Variants in ARHGEF7 observed in about 807,000 individuals in gnomAD.
ARHGEF7 encodes the protein Rho guanine nucleotide exchange factor 7.
In ARHGEF7, 33 loss-of-function variants were observed where a neutral mutation model predicts 109.8. The ratio of observed to expected loss-of-function variants is 0.30; its 90% CI spans 0.23 to 0.40. ARHGEF7 has a LOEUF of 0.40. ARHGEF7 is among the 10% of genes least tolerant of loss of function. The pLI is 1.00. For missense variants in ARHGEF7, 938 were observed against 1,098.5 expected (o/e 0.85, Z 2.07); for synonymous variants, 458 against 424.6 (o/e 1.08, Z -0.97).
At chr13:111,185,919 G>A (rs149760753) in intron 2 of ARHGEF7, among the ~76,000 whole-genome samples, 2 of 149,672 alleles carry the variant, frequency 1.3e-5, no homozygotes, top group Middle Eastern at 3.6e-3. Flanking sequence ...TCCGATCTTG[G>A]TTCTGCCTTT....
At chr13:111,154,847 CCACTTTGT>C (rs2076183694) in intron 2 of ARHGEF7, among the ~76,000 whole-genome samples, 1 of 152,046 alleles carries the variant, frequency 6.6e-6, no homozygotes, top group South Asian at 2.1e-4. Flanking sequence ...GTTTATGTTG[CCACTTTGT>C]CACTCTTAAC....
chr13:111,217,238 C>G (rs2083257732), intron 4 of ARHGEF7, among the ~76,000 whole-genome samples: 1 of 152,180 alleles, frequency 6.6e-6, no homozygotes, highest in Non-Finnish European at 1.5e-5. Context: ...TATATGGTAT[C>G]TGGAAATATA....
At chr13:111,234,201 TC>T (rs2153528792) in intron 6 of ARHGEF7, among the ~76,000 whole-genome samples, 2 of 152,318 alleles carry the variant, frequency 1.3e-5, no homozygotes, top group South Asian at 4.1e-4. Context: ...TGTGCAGCAG[TC>T]ATTTTCTTGT....
At chr13:111,294,485 A>G (rs768035443) in intron 19 of ARHGEF7, 154 of 985,310 alleles carry the variant, frequency 1.6e-4, no homozygotes, top group Non-Finnish European at 1.8e-4. Flanking sequence ...TTGACGGTTT[A>G]CCATCATTCC....
chr13:111,150,027 G>A (rs543745426), intron 1 of ARHGEF7, among the ~76,000 whole-genome samples: 1 of 152,316 alleles, frequency 6.6e-6, no homozygotes, highest in South Asian at 2.1e-4. Flanking sequence ...CTGCACAAGA[G>A]GAAGATGTCA....
chr13:111,267,116 C>A (rs1253807436), intron 8 of ARHGEF7, among the ~76,000 whole-genome samples: 1 of 152,246 alleles, frequency 6.6e-6, no homozygotes, highest in African/African-American at 2.4e-5. Flanking sequence ...GGTGGGCTTG[C>A]TTTCTAGTCT....
chr13:111,273,733 G>A lies in ARHGEF7; in HGVS notation c.1074-81G>A. 1 of 1,562,520 alleles carries A rather than the reference G, an allele frequency of 6.4e-7. No individual in the cohort carries two copies. The highest frequency in any genetic ancestry group is 1.7e-5 in the Admixed American group (1 of 58,946). ...CAACACTTATGTTTCATAAATTCTG[G>A]CTGTTGCTCATGGAGATGAGAGAGC... On this transcript the variant is annotated intron_variant, in intron 9 of 21. Coordinates refer to ENST00000646102, the MANE Select transcript of ARHGEF7 (RefSeq NM_001354046.2). The surrounding 1 kb of genome is among the most constrained non-coding windows in gnomAD (Gnocchi z 4.5).
At chr13:111,142,514 T>C (rs2075394522) in intron 1 of ARHGEF7, among the ~76,000 whole-genome samples, 1 of 152,244 alleles carries the variant, frequency 6.6e-6, no homozygotes. Context: ...TGGGTAATAA[T>C]GATCTTTTTG....
intron 17 of ARHGEF7, 63 bp downstream of exon 17, chr13:111,286,303 C>T (rs1339597270): frequency 1.5e-6 from 2 of 1,364,318 alleles, no homozygotes; most frequent in African/African-American, 1.4e-5. Flanking sequence ...CCATGGCTTT[C>T]CTGGGATAGA....
chr13:111,217,334 A>G (rs2083267972), intron 4 of ARHGEF7, among the ~76,000 whole-genome samples: 1 of 151,988 alleles, frequency 6.6e-6, no homozygotes, highest in Non-Finnish European at 1.5e-5. Context: ...AGTGTTATGT[A>G]AGCACCAGTA....
intron 5 of ARHGEF7, among the ~76,000 whole-genome samples, chr13:111,232,407 A>G (rs2086209100): frequency 6.6e-6 from 1 of 152,180 alleles, no homozygotes; most frequent in South Asian, 2.1e-4. Flanking sequence ...CACACTGTCC[A>G]TAGAACCAGT....
At chr13:111,279,162 G>C (rs1276042376) in intron 13 of ARHGEF7, among the ~76,000 whole-genome samples, 2 of 152,196 alleles carry the variant, frequency 1.3e-5, no homozygotes, top group Non-Finnish European at 2.9e-5. Context: ...GTACTTATAT[G>C]CATTACGAAT....
Position 111,117,854 on chromosome 13 carries a change from G to A in ARHGEF7, c.165+2163G>A, listed in dbSNP as rs533272614. 4.6e-5 allele frequency among the ~76,000 whole-genome samples: 7 copies of A among 152,276 alleles called. No individual in the cohort carries two copies. In the East Asian group the frequency reaches 7.7e-4, roughly 17 times the overall value. ...TGGGATTACAGGCGTGAGCCACCAC[G>A]CCCAGCCAGTTATCTGGGTTTTTGG... On this transcript the variant is annotated intron_variant, in intron 1 of 21. Transcript: ENST00000646102.
intron 7 of ARHGEF7, 90 bp downstream of exon 7, chr13:111,244,056 T>C (rs990127485): frequency 1.0e-5 from 13 of 1,299,650 alleles, no homozygotes; most frequent in Admixed American, 6.6e-5. Flanking sequence ...GGTTAAATAG[T>C]GAAACAAAAT....
At chr13:111,294,205 A>C in intron 19 of ARHGEF7, 1 of 985,426 alleles carries the variant, frequency 1.0e-6, no homozygotes, top group Non-Finnish European at 1.2e-6. Context: ...TTCTATACTT[A>C]CTATAAGTGG....
At chr13:111,165,973 C>T (rs1480697390) in intron 2 of ARHGEF7, among the ~76,000 whole-genome samples, 1 of 152,130 alleles carries the variant, frequency 6.6e-6, no homozygotes, top group South Asian at 2.1e-4. Flanking sequence ...CCTTAAAGAC[C>T]AGCCTCCAGG....
chr13:111,160,480 AC>A (rs2076658404), intron 2 of ARHGEF7, among the ~76,000 whole-genome samples: 1 of 152,310 alleles, frequency 6.6e-6, no homozygotes, highest in East Asian at 1.9e-4. Context: ...GCTGACTGAT[AC>A]GGTTTGCCTG....
intron 2 of ARHGEF7, among the ~76,000 whole-genome samples, chr13:111,201,440 A>G (rs189147032): frequency 1.5e-3 from 231 of 152,280 alleles, no homozygotes; most frequent in African/African-American, 5.1e-3. Context: ...TGAGAAAGTC[A>G]TTGTACTTTG....
chr13:111,181,637 C>T (rs2078739878), intron 2 of ARHGEF7, among the ~76,000 whole-genome samples: 1 of 152,038 alleles, frequency 6.6e-6, no homozygotes, highest in South Asian at 2.1e-4. Flanking sequence ...GGTGCCTTGC[C>T]CTGAGGGAGT....
Sources: gnomAD v4.1 joint callset for allele counts (sites outside exome capture counted in the v4.1 genomes callset) on GRCh38, gnomAD v4.1.1 for gene constraint, Gnocchi (gnomAD v3.1) non-coding constraint, MANE v1.5 for transcripts, NCBI Gene and HGNC (gene_info 2026-07-23, HGNC 2026-07-21) for gene names.